The following IPCEF1 variants were observed in gnomAD, a reference collection of about 807,000 sequenced individuals.
IPCEF1 encodes the protein interactor protein for cytohesin exchange factors 1.
IPCEF1 carries 31 observed loss-of-function variants against 50.9 expected under a neutral mutation model. The observed-to-expected ratio is 0.61, with a 90% CI of 0.46 to 0.82. The LOEUF (loss-of-function observed/expected upper bound fraction) is 0.82, where lower values mean the gene tolerates loss of function less well. Ranked by LOEUF, IPCEF1 falls within the 40% of genes least tolerant of loss-of-function variation. IPCEF1 has a pLI of 0.00. For synonymous variants in IPCEF1, 181 were observed against 192.0 expected (o/e 0.94, Z 0.47); for missense variants, 458 against 514.0 (o/e 0.89, Z 1.05).
At chr6:154,312,358 T>C (rs1783098825) in intron 1 of IPCEF1, among the ~76,000 whole-genome samples, 1 of 152,238 alleles carries the variant, frequency 6.6e-6, no homozygotes, top group East Asian at 1.9e-4. Context: ...TCAAAACTTT[T>C]TTTTTTGAGA....
intron 3 of IPCEF1, 74 bp downstream of exon 3, chr6:154,265,838 A>G: frequency 9.4e-7 from 1 of 1,061,222 alleles, no homozygotes; most frequent in Non-Finnish European, 1.4e-6. Context: ...GCCAAACTTG[A>G]AATCAACCTA....
intron 1 of IPCEF1, among the ~76,000 whole-genome samples, chr6:154,337,319 C>A (rs1019861921): frequency 6.6e-6 from 1 of 152,186 alleles, no homozygotes; most frequent in Non-Finnish European, 1.5e-5. Context: ...CTTTCCCATT[C>A]TTTAGATATA....
intron 1 of IPCEF1, among the ~76,000 whole-genome samples, chr6:154,313,936 T>C (rs1783149735): frequency 6.6e-6 from 1 of 151,728 alleles, no homozygotes; most frequent in Non-Finnish European, 1.5e-5. Context: ...CTTGTACAAA[T>C]GGGATCCCAC....
intron 8 of IPCEF1, 146 bp from the exon 9 acceptor site, chr6:154,213,001 T>C: frequency 1.6e-6 from 1 of 643,190 alleles, no homozygotes; most frequent in South Asian, 1.9e-5. Flanking sequence ...GGTAACTACC[T>C]GGTGCAAAGG....
At chr6:154,347,343 C>T (rs1784050129) in intron 1 of IPCEF1, among the ~76,000 whole-genome samples, 1 of 152,164 alleles carries the variant, frequency 6.6e-6, no homozygotes, top group African/African-American at 2.4e-5. Flanking sequence ...CCTGACTGTA[C>T]TATTTCTGGG....
chr6:154,305,640 G>A (rs6929889), intron 1 of IPCEF1, among the ~76,000 whole-genome samples: 18,675 of 152,094 alleles, frequency 0.12, 2,301 homozygotes, highest in African/African-American at 0.32. Context: ...ATTGTTCCTG[G>A]GTGTGACTGT....
chr6:154,346,660 G>C lies in IPCEF1; in HGVS notation c.-62+10012C>G, dbSNP rs1784035042. The stretch of plus-strand genomic sequence containing the variant: ...AGAAACTTACAGTCATGGTGGAACG[G>C]GAAGCAAACATGTCCTTCTTCACAT... On this transcript the variant is annotated intron_variant, in intron 1 of 11. Coordinates refer to ENST00000367220, the MANE Select transcript of IPCEF1 (RefSeq NM_001130700.2). Among the ~76,000 whole-genome samples the C allele has an allele frequency of 1.3e-5, 2 of 152,176 alleles. 1 individual carries two copies. The highest frequency in any genetic ancestry group is 1.3e-4 in the Admixed American group (2 of 15,282).
At chr6:154,171,763 G>A (rs1194115337) in intron 10 of IPCEF1, among the ~76,000 whole-genome samples, 3 of 152,188 alleles carry the variant, frequency 2.0e-5, no homozygotes, top group African/African-American at 7.2e-5. Context: ...AAGAAGTTAA[G>A]TGGAAAGAAA....
intron 5 of IPCEF1, among the ~76,000 whole-genome samples, chr6:154,227,067 G>A (rs543003507): frequency 9.4e-4 from 143 of 151,940 alleles, no homozygotes; most frequent in African/African-American, 2.2e-3. Context: ...GTGTGGTGGC[G>A]GACGCCTGTA....
chr6:154,342,118 G>C (rs9397707), intron 1 of IPCEF1, among the ~76,000 whole-genome samples: 38,743 of 152,024 alleles, frequency 0.25, 6,562 homozygotes, highest in East Asian at 0.64. Context: ...CAGATCATTT[G>C]AAGTAAATTC....
At chr6:154,190,993 T>C (rs1801829720) in intron 10 of IPCEF1, among the ~76,000 whole-genome samples, 1 of 151,868 alleles carries the variant, frequency 6.6e-6, no homozygotes, top group African/African-American at 2.4e-5. Flanking sequence ...GAGGCAGAGC[T>C]TTCACTGAGC....
intron 2 of IPCEF1, among the ~76,000 whole-genome samples, chr6:154,283,412 T>C (rs1231466392): frequency 6.6e-6 from 1 of 150,658 alleles, no homozygotes; most frequent in Non-Finnish European, 1.5e-5. Flanking sequence ...CTGGCTAACA[T>C]GGTGAAACCC....
chr6:154,225,464 T>C (rs1481450311), intron 5 of IPCEF1, among the ~76,000 whole-genome samples: 1 of 152,220 alleles, frequency 6.6e-6, no homozygotes, highest in African/African-American at 2.4e-5. Context: ...TTGAAAACCT[T>C]GTGTTAAGTG....
chr6:154,246,303 G>A (rs1046376560), intron 5 of IPCEF1, among the ~76,000 whole-genome samples: 5 of 152,174 alleles, frequency 3.3e-5, no homozygotes, highest in Non-Finnish European at 7.3e-5. Flanking sequence ...TCGTGGAATA[G>A]TAACATTAAT....
At chr6:154,320,743 G>A (rs1044388370) in intron 1 of IPCEF1, among the ~76,000 whole-genome samples, 2 of 152,056 alleles carry the variant, frequency 1.3e-5, no homozygotes, top group Admixed American at 6.6e-5. Context: ...ACTGTGGTAC[G>A]AGCCTGTGAT....
chr6:154,232,668 A>G (rs1296348909), intron 5 of IPCEF1, among the ~76,000 whole-genome samples: 1 of 152,230 alleles, frequency 6.6e-6, no homozygotes, highest in Non-Finnish European at 1.5e-5. Context: ...TGGCACAGAA[A>G]AAAACAACCC....
intron 1 of IPCEF1, among the ~76,000 whole-genome samples, chr6:154,354,173 C>G (rs1346713358): frequency 6.6e-6 from 1 of 152,148 alleles, no homozygotes; most frequent in Admixed American, 6.5e-5. Flanking sequence ...CTGGTAGGTT[C>G]AGAGATATAG....
intron 1 of IPCEF1, among the ~76,000 whole-genome samples, chr6:154,345,925 G>A (rs1049161609): frequency 1.3e-5 from 2 of 152,034 alleles, no homozygotes; most frequent in Non-Finnish European, 2.9e-5. Context: ...GAGTGTAGTG[G>A]TGCTATCTCG....
intron 1 of IPCEF1, among the ~76,000 whole-genome samples, chr6:154,291,985 A>G (rs1450222333): frequency 6.6e-6 from 1 of 152,114 alleles, no homozygotes; most frequent in Admixed American, 6.5e-5. Flanking sequence ...GCCTGGCCAC[A>G]CTCAGGAAAT....
Sources: allele counts gnomAD v4.1 joint callset (sites outside exome capture counted in the v4.1 genomes callset), GRCh38; gene constraint gnomAD v4.1.1; transcripts MANE v1.5; gene names NCBI Gene and HGNC (gene_info 2026-07-23, HGNC 2026-07-21).